TSHZ2: variants seen among roughly 807,000 people sequenced by gnomAD.
The protein encoded by TSHZ2 is teashirt zinc finger homeobox 2, also known as teashirt homolog 2.
A neutral mutation model predicts 74.4 loss-of-function variants in TSHZ2; 21 were observed. The observed-to-expected ratio is 0.28, with a 90% CI of 0.20 to 0.41. TSHZ2 has a LOEUF of 0.41. Among genes scored for constraint, TSHZ2 ranks in the 10% least tolerant of loss-of-function variants. TSHZ2 has a pLI of 1.00. For missense variants in TSHZ2, 1,244 were observed against 1,293.5 expected, an observed-to-expected ratio of 0.96 and a Z score of 0.59; for synonymous variants, 540 against 515.3, an observed-to-expected ratio of 1.05 and a Z score of -0.65.
At chr20:53,015,649 T>C (rs1308553706) in intron 1 of TSHZ2, among the ~76,000 whole-genome samples, 1 of 152,174 alleles carries the variant, frequency 6.6e-6, no homozygotes, top group African/African-American at 2.4e-5. Context: ...AAGTTCTATG[T>C]TAAAATATAG....
chr20:53,305,967 G>T (rs1978523550), intron 2 of TSHZ2, among the ~76,000 whole-genome samples: 1 of 143,482 alleles, frequency 7.0e-6, no homozygotes, highest in South Asian at 2.4e-4. Flanking sequence ...AGCAGAGCAA[G>T]ACTCTGTGAA....
At chr20:53,400,655 C>T (rs896246721) in intron 2 of TSHZ2, among the ~76,000 whole-genome samples, 1 of 152,190 alleles carries the variant, frequency 6.6e-6, no homozygotes, top group African/African-American at 2.4e-5. Flanking sequence ...ACTGCCTCAC[C>T]TTCAATGGCT....
chr20:53,444,943 G>A (rs1164342433), intron 2 of TSHZ2, among the ~76,000 whole-genome samples: 2 of 152,214 alleles, frequency 1.3e-5, no homozygotes, highest in Non-Finnish European at 2.9e-5. Context: ...TGAATTGCAT[G>A]TAACGAACAT....
rs141908704 is a variant in TSHZ2, at chr20:53,253,842, C to G, written c.384C>G (p.Val128=). 2.5e-6 allele frequency: 4 copies of G among 1,614,124 alleles called. No homozygotes were observed. The highest frequency in any genetic ancestry group is 3.4e-6 in the Non-Finnish European group (4 of 1,180,056). The change falls in exon 2 of 3, where the codon GTC becomes GTG. Residue 128 remains valine (V), a synonymous_variant. Transcript: ENST00000371497. ...AHNCMDKMTA[V]YANILSDSYW... is the part of the protein sequence containing the mutation. ...ATTGCATGGATAAAATGACCGCTGT[C>G]TACGCCAACATCCTGTCGGATTCCT...
At chr20:53,295,425 T>C (rs187543667) in intron 2 of TSHZ2, among the ~76,000 whole-genome samples, 8 of 143,942 alleles carry the variant, frequency 5.6e-5, no homozygotes, top group Admixed American at 5.5e-4. Flanking sequence ...CGTGTGTGTG[T>C]GTGTGTGCAC....
chr20:53,338,905 G>T (rs532647024), intron 2 of TSHZ2, among the ~76,000 whole-genome samples: 1 of 152,208 alleles, frequency 6.6e-6, no homozygotes, highest in African/African-American at 2.4e-5. Context: ...GTAAACCTCA[G>T]GCAGGAGCCA....
chr20:53,029,311 CA>C (rs1326577884), intron 1 of TSHZ2, among the ~76,000 whole-genome samples: 1 of 152,112 alleles, frequency 6.6e-6, no homozygotes, highest in Non-Finnish European at 1.5e-5. Flanking sequence ...CAAAAATATT[CA>C]GTGAAATTAT....
chr20:53,069,886 G>A (rs1293437), intron 1 of TSHZ2, among the ~76,000 whole-genome samples: 74,099 of 151,928 alleles, frequency 0.49, 19,168 homozygotes, highest in Middle Eastern at 0.61. Context: ...ATGAAAATCA[G>A]CTTATTCTAA....
chr20:53,103,458 G>A (rs931183218), intron 1 of TSHZ2, among the ~76,000 whole-genome samples: 3 of 152,140 alleles, frequency 2.0e-5, no homozygotes, highest in African/African-American at 7.2e-5. Flanking sequence ...ATTTAGGAAA[G>A]ACAAAATGTC....
At position 53,487,478 on chromosome 20, in the gene TSHZ2, G is replaced by A. The variant is rs1986322046; in HGVS notation, c.*343G>A. ...GCCACCGAAGAAAAGTAATGACTGAGAGCATTGATGTACTTATTTTGTCAG... is the reference window on the plus strand; with the variant it reads ...GCCACCGAAGAAAAGTAATGACTGAAAGCATTGATGTACTTATTTTGTCAG... On this transcript the variant is annotated 3_prime_UTR_variant, in exon 3 of 3. Transcript: ENST00000371497. 6.6e-6 allele frequency: 1 copy of A among 152,110 alleles called. No individual in the cohort carries two copies. The highest frequency in any genetic ancestry group is 1.9e-4 in the East Asian group (1 of 5,196). 9.4% of individuals were successfully genotyped at this position (152,110 alleles called of 1,614,324 possible). A position where few individuals can be genotyped will look rare whatever the true frequency, so the allele number is the denominator to read the frequency against.
At chr20:53,184,290 A>G (rs576637060) in intron 1 of TSHZ2, among the ~76,000 whole-genome samples, 1 of 152,332 alleles carries the variant, frequency 6.6e-6, no homozygotes, top group East Asian at 1.9e-4. Context: ...AGCAGCTACC[A>G]TATGGCATAT....
rs1555872574 is a variant in TSHZ2, at chr20:53,469,850, GAGGA to G, written c.*9-17281_*9-17278del. 4.3e-5 allele frequency among the ~76,000 whole-genome samples: 3 copies of G among 69,240 alleles called. No homozygotes were observed. The South Asian group carries it at 1.3e-3, about 31-fold the overall frequency. 45.4% of individuals were successfully genotyped at this position (69,240 alleles called of 152,430 possible). A position where few individuals can be genotyped will look rare whatever the true frequency, so the allele number is the denominator to read the frequency against. ...AGAGAGAGGGAGGAAGGGAGGGAGG[GAGGA>G]AGGAAGGAAGGACCCAAGAAAGAAA... On this transcript the variant is annotated intron_variant, in intron 2 of 2. Transcript: ENST00000371497.
chr20:53,049,936 G>T (rs1984365124), intron 1 of TSHZ2, among the ~76,000 whole-genome samples: 2 of 151,402 alleles, frequency 1.3e-5, no homozygotes, highest in African/African-American at 4.9e-5. Flanking sequence ...ACAAAAATTG[G>T]CCTGGCTTGG....
chr20:53,240,416 G>A (rs1327456947), intron 1 of TSHZ2, among the ~76,000 whole-genome samples: 3 of 152,072 alleles, frequency 2.0e-5, no homozygotes, highest in African/African-American at 4.8e-5. Context: ...CATTGCTCAA[G>A]AATTAGCACA....
At chr20:53,262,309 G>C (rs1466434974) in intron 2 of TSHZ2, among the ~76,000 whole-genome samples, 2 of 151,780 alleles carry the variant, frequency 1.3e-5, no homozygotes, top group Admixed American at 6.6e-5. Context: ...GTAAATGGGA[G>C]AAAAAGCCAT....
intron 2 of TSHZ2, among the ~76,000 whole-genome samples, chr20:53,267,791 T>A (rs574286750): frequency 6.6e-6 from 1 of 152,392 alleles, no homozygotes; most frequent in South Asian, 2.1e-4. Flanking sequence ...ATGCCTCATA[T>A]GTGCTAAGCT....
In TSHZ2 at chr20:53,097,437, C is replaced by T. The variant is rs1986086816; in HGVS notation, c.40+124104C>T. 2.0e-5 allele frequency among the ~76,000 whole-genome samples: 3 copies of T among 152,190 alleles called. No homozygotes were observed. The South Asian group carries it at 6.2e-4, about 31-fold the overall frequency. ...GCAGAGATGGGGAAAGCATTCCCAT[C>T]TCCTTTGGCCTTTATGTCTCAGAAA... is the stretch of plus-strand genomic sequence containing the variant. On this transcript the variant is annotated intron_variant, in intron 1 of 2. Transcript: ENST00000371497.
At chr20:53,157,545 T>A (rs975065265) in intron 1 of TSHZ2, among the ~76,000 whole-genome samples, 1 of 151,980 alleles carries the variant, frequency 6.6e-6, no homozygotes, top group Non-Finnish European at 1.5e-5. Context: ...TAACTAAGAC[T>A]ACAGGTGCGC....
At chr20:52,996,640 G>A (rs1219312084) in intron 1 of TSHZ2, among the ~76,000 whole-genome samples, 3 of 152,110 alleles carry the variant, frequency 2.0e-5, no homozygotes, top group Admixed American at 6.5e-5. Context: ...TGGAAAAACT[G>A]ATCTAGCAAC....
Sources: gnomAD v4.1 joint callset for allele counts (sites outside exome capture counted in the v4.1 genomes callset) on GRCh38, gnomAD v4.1.1 for gene constraint, MANE v1.5 for transcripts, NCBI Gene and HGNC (gene_info 2026-07-23, HGNC 2026-07-21) for gene names.